NRCAM: variants seen among roughly 807,000 people sequenced by gnomAD.
NRCAM encodes the protein NgCAM-related cell adhesion molecule.
In NRCAM, 83 loss-of-function variants were observed where a neutral mutation model predicts 156.5. The observed-to-expected ratio is 0.53, with a 90% CI of 0.44 to 0.64. The LOEUF (loss-of-function observed/expected upper bound fraction) is 0.64. Ranked by LOEUF, NRCAM falls within the 30% of genes least tolerant of loss-of-function variation. The pLI, the probability that NRCAM is intolerant of heterozygous loss-of-function variation, is 0.00. For synonymous variants in NRCAM, 538 were observed against 563.9 expected, an observed-to-expected ratio of 0.95 and a Z score of 0.65; for missense variants, 1,417 against 1,597.3, an observed-to-expected ratio of 0.89 and a Z score of 1.92.
At chr7:108,366,930 T>C (rs574101871) in intron 2 of NRCAM, among the ~76,000 whole-genome samples, 1 of 152,312 alleles carries the variant, frequency 6.6e-6, no homozygotes, top group African/African-American at 2.4e-5. Context: ...TTAAAATGTG[T>C]TATCTTCCAT....
At chr7:108,286,305 C>G (rs2098096894) in intron 3 of NRCAM, among the ~76,000 whole-genome samples, 2 of 152,148 alleles carry the variant, frequency 1.3e-5, no homozygotes, top group East Asian at 3.9e-4. Flanking sequence ...TAAGCCTTAT[C>G]TGCTAGCATG....
At chr7:108,450,807 T>C (rs1849424027) in intron 1 of NRCAM, among the ~76,000 whole-genome samples, 2 of 152,228 alleles carry the variant, frequency 1.3e-5, no homozygotes, top group African/African-American at 2.4e-5. Context: ...ACAAAGTATG[T>C]AATCAATTAA....
At chr7:108,221,815 A>G (rs912320606) in intron 11 of NRCAM, among the ~76,000 whole-genome samples, 40 of 152,090 alleles carry the variant, frequency 2.6e-4, no homozygotes, top group African/African-American at 9.4e-4. Flanking sequence ...TTACTCCACT[A>G]AATAACTTAC....
chr7:108,346,828 G>A (rs1451814942), intron 2 of NRCAM, among the ~76,000 whole-genome samples: 2 of 152,076 alleles, frequency 1.3e-5, no homozygotes, highest in Admixed American at 1.3e-4. Flanking sequence ...GTACATACAT[G>A]TTTGGATTTT....
intron 2 of NRCAM, among the ~76,000 whole-genome samples, chr7:108,343,576 T>G (rs1330297152): frequency 6.6e-6 from 1 of 152,132 alleles, no homozygotes; most frequent in East Asian, 1.9e-4. Context: ...GCCCCAGTAC[T>G]CAAAAGAAGA....
chr7:108,383,355 A>C (rs1242825307), intron 2 of NRCAM, among the ~76,000 whole-genome samples: 1 of 152,266 alleles, frequency 6.6e-6, no homozygotes, highest in South Asian at 2.1e-4. Context: ...AGGACTGCTA[A>C]CCAGAAATAA....
intron 2 of NRCAM, among the ~76,000 whole-genome samples, chr7:108,346,233 G>A (rs67652370): frequency 0.25 from 38,001 of 152,034 alleles, 5,257 homozygotes; most frequent in Non-Finnish European, 0.3. Context: ...GTTATTTTAC[G>A]GATGACGAAA....
intron 3 of NRCAM, among the ~76,000 whole-genome samples, chr7:108,284,050 T>C (rs2097969245): frequency 6.6e-6 from 1 of 152,144 alleles, no homozygotes; most frequent in Non-Finnish European, 1.5e-5. Flanking sequence ...TTTCACTATG[T>C]TGGCCAGGGT....
chr7:108,206,291 G>A (rs1318234130), intron 13 of NRCAM, among the ~76,000 whole-genome samples: 1 of 152,174 alleles, frequency 6.6e-6, no homozygotes, highest in Non-Finnish European at 1.5e-5. Flanking sequence ...ACCATCTTAG[G>A]GGAAGTGTGT....
intron 2 of NRCAM, among the ~76,000 whole-genome samples, chr7:108,350,721 C>A (rs960974240): frequency 7.9e-5 from 12 of 152,114 alleles, no homozygotes; most frequent in African/African-American, 2.7e-4. Context: ...GGGGATAATC[C>A]ACCTTAACTT....
intron 3 of NRCAM, among the ~76,000 whole-genome samples, chr7:108,299,579 C>G (rs766668664): frequency 3.2e-4 from 49 of 152,270 alleles, no homozygotes; most frequent in Non-Finnish European, 5.7e-4. Flanking sequence ...CCTATTTATT[C>G]TCTGCAATGC....
intron 30 of NRCAM, among the ~76,000 whole-genome samples, chr7:108,164,146 CGGT>C (rs2051751793): frequency 5.8e-4 from 18 of 31,008 alleles, no homozygotes; most frequent in Admixed American, 1.4e-3. Flanking sequence ...GGTGGGGTGG[CGGT>C]AATGAGAGGT....
At chr7:108,242,179 G>A (rs931691925) in intron 3 of NRCAM, among the ~76,000 whole-genome samples, 3 of 149,410 alleles carry the variant, frequency 2.0e-5, no homozygotes, top group African/African-American at 7.4e-5. Context: ...GGAGGCTGAG[G>A]TGGGAAAATT....
intron 1 of NRCAM, among the ~76,000 whole-genome samples, chr7:108,426,070 G>T (rs955121722): frequency 6.6e-6 from 1 of 152,248 alleles, no homozygotes; most frequent in African/African-American, 2.4e-5. Context: ...ATTTTCAAGA[G>T]AGTACAGTGA....
At chr7:108,332,059 G>C (rs574186158) in intron 2 of NRCAM, among the ~76,000 whole-genome samples, 1 of 152,280 alleles carries the variant, frequency 6.6e-6, no homozygotes, top group East Asian at 1.9e-4. Context: ...AGCTCACCAG[G>C]CATCAAAGAG....
At chr7:108,347,316 G>A (rs1262725150) in intron 2 of NRCAM, among the ~76,000 whole-genome samples, 21 of 152,262 alleles carry the variant, frequency 1.4e-4, no homozygotes, top group African/African-American at 2.4e-5. Flanking sequence ...GATTATAGGC[G>A]TGAGCCACCG....
chr7:108,150,121 T>C lies in NRCAM; in HGVS notation c.3704A>G (p.Lys1235Arg). The change falls in exon 33 of 33, where the codon AAA becomes AGA. Residue 1235 changes from lysine (K) to arginine (R), a missense_variant. Lys to Arg is a conservative substitution (Grantham distance 26). Around this residue, in one of 2 missense-constraint regions of NRCAM, gnomAD observed 179 missense variants for 260.9 expected, o/e 0.69. Transcript: ENST00000379028. Reference protein sequence around the residue: ...YSDAEDHKPLKKGSRTPSDRT... With the variant: ...YSDAEDHKPLRKGSRTPSDRT... Reference sequence around the variant, plus strand: ...GTCTGAAGGAGTTCGACTTCCTTTTTTCAAAGGCTTGTGGTCTTCTGCATC... The same window carrying C: ...GTCTGAAGGAGTTCGACTTCCTTTTCTCAAAGGCTTGTGGTCTTCTGCATC... 1 of 1,611,944 alleles carries C rather than the reference T, an allele frequency of 6.2e-7. No homozygotes were observed. Among genetic ancestry groups the C allele is most frequent in the Non-Finnish European group, 8.5e-7 (1 of 1,179,464 alleles).
intron 3 of NRCAM, among the ~76,000 whole-genome samples, chr7:108,255,749 T>A (rs1562971429): frequency 6.7e-6 from 1 of 148,752 alleles, no homozygotes; most frequent in Non-Finnish European, 1.5e-5. Context: ...CGACCCCGTC[T>A]GGGATCTGAG....
chr7:108,191,757 G>A lies in NRCAM; in HGVS notation c.1875C>T (p.Val625=). Residue 625 remains valine (V), a synonymous_variant, in exon 18 of 33, where the codon GTC becomes GTT. Transcript: ENST00000379028. ...TCVANTTLDS[V]SASAVLSVVA... ...CAACGCTAAGCACAGCGCTGGCGGA[G>A]ACGCTGTCCAGAGTGGTGTTGGCCA... 1.9e-6 allele frequency: 3 copies of A among 1,613,916 alleles called. No homozygotes were observed. The highest frequency in any genetic ancestry group is 2.5e-6 in the Non-Finnish European group (3 of 1,179,830).
Sources: gnomAD v4.1 joint callset for allele counts (sites outside exome capture counted in the v4.1 genomes callset) on GRCh38, gnomAD v4.1.1 for gene constraint, gnomAD v4.1.1 regional missense constraint, MANE v1.5 for transcripts, NCBI Gene and HGNC (gene_info 2026-07-23, HGNC 2026-07-21) for gene names.